GATAD2A: variants seen among roughly 807,000 people sequenced by gnomAD.
GATAD2A encodes the protein transcriptional repressor p66-alpha.
Under a neutral mutation model 68.5 loss-of-function variants are expected in GATAD2A, and 12 were observed. The observed-to-expected ratio is 0.18, with a 90% confidence interval of 0.11 to 0.28. GATAD2A has a LOEUF of 0.28. Among genes scored for constraint, GATAD2A ranks in the 10% least tolerant of loss-of-function variants. The pLI is 1.00. For synonymous variants in GATAD2A, 410 were observed against 375.3 expected (o/e 1.09, Z -1.07); for missense variants, 755 against 868.5 (o/e 0.87, Z 1.64).
Position 19,498,555 on chromosome 19 carries a change from C to T in GATAD2A, c.1037C>T (p.Ala346Val), listed in dbSNP as rs752598118. ...GCCGAGTCTCCAGCAAGCCGACAGGCGGCCGCCAAGCTGGCGCTGCGCAAA... is the reference window on the plus strand; with the variant it reads ...GCCGAGTCTCCAGCAAGCCGACAGGTGGCCGCCAAGCTGGCGCTGCGCAAA... ...TSAESPASRQ[A>V]AAKLALRKQL... is the part of the protein sequence containing the mutation. Residue 346 changes from alanine to valine, a missense_variant, in exon 8 of 12, where the codon GCG becomes GTG. Physicochemically the swap from Ala to Val is moderately conservative, Grantham distance 64. Coordinates refer to ENST00000683918, the MANE Select transcript of GATAD2A (RefSeq NM_001384528.1). 1.1e-5 allele frequency: 17 copies of T among 1,613,910 alleles called. No homozygotes were observed. In the Admixed American group the frequency reaches 1.2e-4, roughly 11 times the overall value.
intron 1 of GATAD2A, among the ~76,000 whole-genome samples, chr19:19,445,203 G>A (rs2055571104): frequency 6.6e-6 from 1 of 152,062 alleles, no homozygotes; most frequent in African/African-American, 2.4e-5. Context: ...TACCCTGATG[G>A]CTGATGGCTG....
Position 19,467,245 on chromosome 19 carries a change from G to A in GATAD2A, c.269+1631G>A, listed in dbSNP as rs148494927. On this transcript the variant is annotated intron_variant, in intron 2 of 11. Coordinates refer to ENST00000683918, the MANE Select transcript of GATAD2A (RefSeq NM_001384528.1). ...AAAAAAATTAGCTGGGTGTGGTGGC[G>A]GGTGCCTGTAGTCCCAGTGACTTGG... Among the ~76,000 whole-genome samples, 808 of 152,222 alleles carry A rather than the reference G, an allele frequency of 5.3e-3. 6 individuals are homozygous for A. Among genetic ancestry groups the A allele is most frequent in the South Asian group, 0.041 (197 of 4,822 alleles).
intron 1 of GATAD2A, among the ~76,000 whole-genome samples, chr19:19,398,952 G>T (rs1042526909): frequency 2.6e-5 from 4 of 152,154 alleles, no homozygotes; most frequent in African/African-American, 9.6e-5. Context: ...CCAGCTACTT[G>T]GGAGGCTGAG....
Position 19,505,551 on chromosome 19 carries a change from C to T in GATAD2A, c.*77C>T, listed in dbSNP as rs2060831270. The T allele has an allele frequency of 7.6e-7, 1 of 1,322,098 alleles. No homozygotes were observed. Among genetic ancestry groups the T allele is most frequent in the East Asian group, 2.6e-5 (1 of 38,576 alleles). The allele number at this position is 1,322,098 out of a possible 1,614,324, so 81.9% of individuals were successfully genotyped here. A position where few individuals can be genotyped will look rare whatever the true frequency, so the allele number is the denominator to read the frequency against. ...TGGTCTAGAAGGACCCACTGCACCA[C>T]CCTCCGCTGGCTCGGGAAGACACCG... On this transcript the variant is annotated 3_prime_UTR_variant, in exon 12 of 12. Transcript: ENST00000683918.
At chr19:19,387,717 A>C (rs2048544067) in intron 1 of GATAD2A, among the ~76,000 whole-genome samples, 1 of 151,988 alleles carries the variant, frequency 6.6e-6, no homozygotes, top group Admixed American at 6.5e-5. Context: ...GTATACCCCT[A>C]CTTTACCAGT....
At chr19:19,414,094 A>G (rs1292724036) in intron 1 of GATAD2A, among the ~76,000 whole-genome samples, 1 of 152,176 alleles carries the variant, frequency 6.6e-6, no homozygotes, top group East Asian at 1.9e-4. Flanking sequence ...TGTTGGTGGT[A>G]GGAGTTGCCT....
chr19:19,448,896 G>T (rs909570053), intron 1 of GATAD2A, among the ~76,000 whole-genome samples: 1 of 152,096 alleles, frequency 6.6e-6, no homozygotes, highest in Non-Finnish European at 1.5e-5. Flanking sequence ...CTTTCATCTC[G>T]TGTTACCCGG....
In GATAD2A at chr19:19,501,211, A is replaced by G; in HGVS notation, c.1298A>G (p.Lys433Arg). The change falls in exon 9 of 12, where the codon AAG becomes AGG. Residue 433 changes from lysine (K) to arginine (R), a missense_variant. Physicochemically the swap from Lys to Arg is conservative, Grantham distance 26. Transcript: ENST00000683918. Reference sequence around the variant, plus strand: ...TTCACGTGCCGCTGGCGGGAGGAGAAGAGCGGCGCCATCATGTGTGAGAAC... The same window carrying G: ...TTCACGTGCCGCTGGCGGGAGGAGAGGAGCGGCGCCATCATGTGTGAGAAC... ...TDFTCRWREE[K>R]SGAIMCENCM... 4 of 1,613,488 alleles carry G rather than the reference A, an allele frequency of 2.5e-6. No individual in the cohort carries two copies. The highest frequency in any genetic ancestry group is 2.5e-6 in the Non-Finnish European group (3 of 1,179,966).
At chr19:19,398,464 G>A (rs2049439835) in intron 1 of GATAD2A, among the ~76,000 whole-genome samples, 1 of 151,770 alleles carries the variant, frequency 6.6e-6, no homozygotes, top group Non-Finnish European at 1.5e-5. Flanking sequence ...GCCTCCCAAA[G>A]TGCTGGGATT....
chr19:19,446,796 C>T (rs1307022313), intron 1 of GATAD2A, among the ~76,000 whole-genome samples: 1 of 152,204 alleles, frequency 6.6e-6, no homozygotes. Context: ...TGGCCTCAAG[C>T]GATCCTCCCT....
intron 1 of GATAD2A, among the ~76,000 whole-genome samples, chr19:19,458,093 T>C (rs2057099729): frequency 6.6e-6 from 1 of 152,212 alleles, no homozygotes; most frequent in African/African-American, 2.4e-5. Flanking sequence ...AGAGAGAAGA[T>C]GTCTGTATCT....
rs1434156409 is a variant in GATAD2A, at chr19:19,451,076, C to A, written c.-6-14264C>A. ...TGAGCCACCGCACCCGGCCGAGATT[C>A]AAACTTTTAAAAAGTGGGGTGGGCG... On this transcript the variant is annotated intron_variant, in intron 1 of 11. Coordinates refer to ENST00000683918, the MANE Select transcript of GATAD2A (RefSeq NM_001384528.1). 2.0e-5 allele frequency among the ~76,000 whole-genome samples: 3 copies of A among 151,658 alleles called. No individual in the cohort carries two copies. The East Asian group carries it at 5.9e-4, about 30-fold the overall frequency.
intron 2 of GATAD2A, among the ~76,000 whole-genome samples, chr19:19,480,447 C>T (rs1007723643): frequency 6.6e-6 from 1 of 152,232 alleles, no homozygotes; most frequent in Non-Finnish European, 1.5e-5. Flanking sequence ...TACTTTATCA[C>T]TGGTACCAGA....
At chr19:19,435,906 G>T (rs1209955650) in intron 1 of GATAD2A, among the ~76,000 whole-genome samples, 1 of 152,184 alleles carries the variant, frequency 6.6e-6, no homozygotes, top group African/African-American at 2.4e-5. Context: ...CAGTGTCTGG[G>T]ACGTTGGCGT....
chr19:19,476,189 A>G (rs1268361728), intron 2 of GATAD2A, among the ~76,000 whole-genome samples: 1 of 152,210 alleles, frequency 6.6e-6, no homozygotes, highest in African/African-American at 2.4e-5. Flanking sequence ...CACACTTTAT[A>G]TGGACATCGA....
At chr19:19,441,245 A>G (rs550365994) in intron 1 of GATAD2A, among the ~76,000 whole-genome samples, 20 of 152,194 alleles carry the variant, frequency 1.3e-4, no homozygotes, top group Admixed American at 5.9e-4. Flanking sequence ...TGTTTTTTGG[A>G]ATCCTGGTTT....
intron 2 of GATAD2A, among the ~76,000 whole-genome samples, chr19:19,482,293 A>G (rs141401568): frequency 7.2e-5 from 11 of 152,276 alleles, no homozygotes; most frequent in African/African-American, 1.9e-4. Flanking sequence ...AGTCCCAGTT[A>G]CTGGAGAGAC....
chr19:19,409,933 A>T (rs945934528), intron 1 of GATAD2A, among the ~76,000 whole-genome samples: 1 of 152,196 alleles, frequency 6.6e-6, no homozygotes, highest in Non-Finnish European at 1.5e-5. Flanking sequence ...TTAGTCTTTT[A>T]GAAGACAAAG....
At chr19:19,406,659 G>T (rs954678603) in intron 1 of GATAD2A, among the ~76,000 whole-genome samples, 5 of 152,180 alleles carry the variant, frequency 3.3e-5, no homozygotes, top group African/African-American at 1.2e-4. Context: ...TGGCTCCATT[G>T]ATTTCTTTTT....
Sources: gnomAD v4.1 joint callset for allele counts (sites outside exome capture counted in the v4.1 genomes callset) on GRCh38, gnomAD v4.1.1 for gene constraint, MANE v1.5 for transcripts, NCBI Gene and HGNC (gene_info 2026-07-23, HGNC 2026-07-21) for gene names.